The following GREM2 variants were observed in gnomAD, a reference collection of about 807,000 sequenced individuals.
The protein encoded by GREM2 is gremlin-2.
A neutral mutation model predicts 14.2 loss-of-function variants in GREM2; 11 were observed. That is an observed-to-expected ratio of 0.78 (90% CI 0.49 to 1.28). The LOEUF (loss-of-function observed/expected upper bound fraction) is 1.28, where lower values mean the gene tolerates loss of function less well. Ranked by LOEUF, GREM2 falls within the 50% of genes most tolerant of loss-of-function variation. The probability of loss-of-function intolerance (pLI) is 0.00; values close to 1 mark genes in which losing one functional copy is unlikely to be tolerated. For missense variants in GREM2, 210 were observed against 218.5 expected, an observed-to-expected ratio of 0.96 and a Z score of 0.24; for synonymous variants, 98 against 97.6, an observed-to-expected ratio of 1.00 and a Z score of -0.02.
chr1:240,514,002 T>G (rs1677895362), intron 1 of GREM2, among the ~76,000 whole-genome samples: 1 of 151,966 alleles, frequency 6.6e-6, no homozygotes, highest in African/African-American at 2.4e-5. Context: ...TCCCAGCACT[T>G]TGGGCGGCTG....
intron 1 of GREM2, among the ~76,000 whole-genome samples, chr1:240,597,130 GATTCCAAGA>G (rs1432745223): frequency 6.6e-6 from 1 of 152,172 alleles, no homozygotes; most frequent in Non-Finnish European, 1.5e-5. Context: ...GTCTTGCTTG[GATTCCAAGA>G]ATCCATTTTA....
rs542434237 is a variant in GREM2 at position 240,522,038 on chromosome 1, T to C, written c.-1-28562A>G. 2.7e-5 allele frequency among the ~76,000 whole-genome samples: 4 copies of C among 149,330 alleles called. No homozygotes were observed. The East Asian group carries it at 5.9e-4, about 22-fold the overall frequency. ...GGGAGGCTGATGTAGGAGGATTGCT[T>C]GAGCCCAGGAGGTTGAGGTTTCAGT... On this transcript the variant is annotated intron_variant, in intron 1 of 1. Coordinates refer to ENST00000318160, the MANE Select transcript of GREM2 (RefSeq NM_022469.4).
At chr1:240,547,659 A>G (rs1215154188) in intron 1 of GREM2, among the ~76,000 whole-genome samples, 1 of 151,928 alleles carries the variant, frequency 6.6e-6, no homozygotes, top group African/African-American at 2.4e-5. Context: ...CCAGACAAAG[A>G]AACCTGGATT....
chr1:240,557,104 A>T (rs2103345296), intron 1 of GREM2, among the ~76,000 whole-genome samples: 1 of 152,114 alleles, frequency 6.6e-6, no homozygotes, highest in South Asian at 2.1e-4. Flanking sequence ...CAGGAGGCAG[A>T]GGTTGCAGTG....
chr1:240,583,466 C>T (rs1679530304), intron 1 of GREM2, among the ~76,000 whole-genome samples: 1 of 152,150 alleles, frequency 6.6e-6, no homozygotes, highest in Non-Finnish European at 1.5e-5. Context: ...TTTTTCAAGG[C>T]AGTGTTGCAT....
In GREM2 at chr1:240,492,318, G is replaced by T; in HGVS notation, c.*651C>A. ...TTGAGGATGGGGGATTGTGTAGCCT[G>T]CTCTGCTCGAGGTTTCCCGGGAAGC... On this transcript the variant is annotated 3_prime_UTR_variant, in exon 2 of 2. Transcript: ENST00000318160. The T allele has an allele frequency of 2.8e-6, 1 of 356,530 alleles. No individual in the cohort carries two copies. The highest frequency in any genetic ancestry group is 5.9e-6 in the Non-Finnish European group (1 of 170,812). The allele number at this position is 356,530 out of a possible 1,614,324, so 22.1% of individuals were successfully genotyped here.
At chr1:240,603,670 G>A (rs946578712) in intron 1 of GREM2, among the ~76,000 whole-genome samples, 6 of 152,032 alleles carry the variant, frequency 3.9e-5, no homozygotes, top group Non-Finnish European at 8.8e-5. Flanking sequence ...CTTAAAGTCT[G>A]ATGAACCTTA....
At chr1:240,507,416 C>T (rs1332220094) in intron 1 of GREM2, among the ~76,000 whole-genome samples, 1 of 151,972 alleles carries the variant, frequency 6.6e-6, no homozygotes, top group Non-Finnish European at 1.5e-5. Context: ...CTGCAACCTC[C>T]GCCTCCTGGG....
Position 240,565,193 on chromosome 1 carries a change from T to C in GREM2, c.-2+46691A>G, listed in dbSNP as rs144552396. ...TTGTGGGGTTTGGAGATTAGCTTTA[T>C]GGCACTTTCTATCATTATTACACCT... On this transcript the variant is annotated intron_variant, in intron 1 of 1. Coordinates refer to ENST00000318160, the MANE Select transcript of GREM2 (RefSeq NM_022469.4). Among the ~76,000 whole-genome samples, 241 of 152,320 alleles carry C rather than the reference T, an allele frequency of 1.6e-3. 1 individual carries two copies. Among genetic ancestry groups the C allele is most frequent in the African/African-American group, 5.5e-3 (230 of 41,574 alleles).
chr1:240,522,843 C>G (rs2103305343), intron 1 of GREM2, among the ~76,000 whole-genome samples: 1 of 152,054 alleles, frequency 6.6e-6, no homozygotes, highest in Non-Finnish European at 1.5e-5. Flanking sequence ...GAACAAGAGG[C>G]CACGAAGGAA....
chr1:240,587,577 C>T (rs1157668010), intron 1 of GREM2, among the ~76,000 whole-genome samples: 16 of 152,134 alleles, frequency 1.1e-4, no homozygotes, highest in Admixed American at 1.0e-3. Flanking sequence ...CTGCCTCAGC[C>T]TCCCAAAGTG....
Position 240,493,049 on chromosome 1 carries a change from G to T in GREM2, c.427C>A (p.Pro143Thr). The change falls in exon 2 of 2, where the codon CCC (proline) becomes ACC (threonine). Residue 143 changes from proline to threonine, a missense_variant. Coordinates refer to ENST00000318160, the MANE Select transcript of GREM2 (RefSeq NM_022469.4). ...VELECPGLDP[P>T]FRLKKIQKVK... is the part of the protein sequence containing the mutation. ...TTCTGGATTTTCTTGAGTCGGAAGG[G>T]TGGGTCCAGGCCGGGGCACTCGAGC... 6.2e-7 allele frequency: 1 copy of T among 1,607,144 alleles called. No homozygotes were observed. The highest frequency in any genetic ancestry group is 8.5e-7 in the Non-Finnish European group (1 of 1,174,498).
At chr1:240,516,199 A>G (rs142522435) in intron 1 of GREM2, among the ~76,000 whole-genome samples, 61 of 151,444 alleles carry the variant, frequency 4.0e-4, no homozygotes, top group African/African-American at 1.5e-3. Context: ...GGGCTCAAGC[A>G]ATTATCCCAC....
chr1:240,495,614 G>C (rs1485381261), intron 1 of GREM2, among the ~76,000 whole-genome samples: 2 of 152,140 alleles, frequency 1.3e-5, no homozygotes, highest in Non-Finnish European at 2.9e-5. Context: ...TTTTATGGAT[G>C]AGGACACTAA....
chr1:240,516,046 G>A lies in GREM2; in HGVS notation c.-1-22570C>T, dbSNP rs141088492. 1.3e-3 allele frequency among the ~76,000 whole-genome samples: 197 copies of A among 151,534 alleles called. 1 individual carries two copies. The highest frequency in any genetic ancestry group is 1.1e-3 in the African/African-American group (44 of 41,228). On this transcript the variant is annotated intron_variant, in intron 1 of 1. Transcript: ENST00000318160. ...TGGTAGACCTCCCATACAGTCCCCC[G>A]CCCCATGCCCCAAGTATACTCCATG...
At chr1:240,571,210 G>C (rs1243699042) in intron 1 of GREM2, among the ~76,000 whole-genome samples, 1 of 152,066 alleles carries the variant, frequency 6.6e-6, no homozygotes, top group Non-Finnish European at 1.5e-5. Flanking sequence ...CCTACCACAG[G>C]CAGAATCAAC....
At chr1:240,503,109 A>G (rs1403742317) in intron 1 of GREM2, among the ~76,000 whole-genome samples, 1 of 152,236 alleles carries the variant, frequency 6.6e-6, no homozygotes, top group African/African-American at 2.4e-5. Flanking sequence ...AGTATAGAGC[A>G]CAAAATGGAA....
intron 1 of GREM2, among the ~76,000 whole-genome samples, chr1:240,569,009 C>T (rs1433335795): frequency 6.6e-6 from 1 of 151,864 alleles, no homozygotes; most frequent in African/African-American, 2.4e-5. Context: ...TAGGATTGTG[C>T]CTCTTCTGCA....
intron 1 of GREM2, among the ~76,000 whole-genome samples, chr1:240,587,965 G>A (rs1276094023): frequency 3.9e-5 from 6 of 152,098 alleles, no homozygotes; most frequent in Non-Finnish European, 7.4e-5. Flanking sequence ...TCAAGGGCCA[G>A]CACCTTGCTC....
Sources: gnomAD v4.1 joint callset for allele counts (sites outside exome capture counted in the v4.1 genomes callset) on GRCh38, gnomAD v4.1.1 for gene constraint, MANE v1.5 for transcripts, NCBI Gene and HGNC (gene_info 2026-07-23, HGNC 2026-07-21) for gene names.